The following C1R variants were observed in gnomAD, a reference collection of about 807,000 sequenced individuals.
The protein encoded by C1R is complement C1r subcomponent.
In C1R, 15 loss-of-function variants were observed where a neutral mutation model predicts 27.6. The ratio of observed to expected loss-of-function variants is 0.54; its 90% CI spans 0.36 to 0.84. The LOEUF (loss-of-function observed/expected upper bound fraction) is 0.84. Ranked by LOEUF, C1R falls within the 40% of genes least tolerant of loss-of-function variation. The pLI, the probability that C1R is intolerant of heterozygous loss-of-function variation, is 0.01. For missense variants in C1R, 544 were observed against 577.9 expected (o/e 0.94, Z 0.60); for synonymous variants, 253 against 228.8 (o/e 1.11, Z -0.95).
chr12:7,082,179 T>A (rs1938076406), intron 9 of C1R, 73 bp from the exon 10 acceptor site: 1 of 833,046 alleles, frequency 1.2e-6, no homozygotes, highest in African/African-American at 1.7e-5. Flanking sequence ...GGCCAGCAAG[T>A]ACTGAGTGTG....
intron 8 of C1R, 80 bp from the exon 9 acceptor site, chr12:7,086,096 C>G: frequency 1.5e-5 from 6 of 398,470 alleles, no homozygotes; most frequent in East Asian, 3.6e-5. Flanking sequence ...AGTTGTCTAC[C>G]TGCAGAGCAG....
In C1R at chr12:7,091,794, C is replaced by T. The variant is rs1293231531; in HGVS notation, c.3-114G>A. The T allele has an allele frequency of 2.8e-6, 2 of 711,660 alleles. No individual in the cohort carries two copies. The highest frequency in any genetic ancestry group is 2.0e-5 in the Admixed American group (1 of 50,020). 44.1% of individuals were successfully genotyped at this position (711,660 alleles called of 1,614,324 possible). The stretch of plus-strand genomic sequence containing the variant: ...ATACCACTGGGCATTCTCCTCTCTG[C>T]CCACCCTGAACCTCACAGACATGTT... On this transcript the variant is annotated intron_variant, in intron 1 of 10. Coordinates refer to ENST00000647956, the MANE Select transcript of C1R (RefSeq NM_001733.7). This position sits in a 1 kb window ranked among gnomAD's most constrained non-coding sequence, Gnocchi z 5.1.
intron 3 of C1R, 131 bp from the exon 4 acceptor site, chr12:7,089,864 C>T (rs1430961248): frequency 1.4e-6 from 1 of 711,700 alleles, no homozygotes; most frequent in Non-Finnish European, 2.6e-6. Flanking sequence ...CTCCAGGCCT[C>T]TCCAATGCTC....
At position 7,080,472 on chromosome 12, in the gene C1R, T is replaced by G. The variant is rs1487974588; in HGVS notation, c.*60A>C. 5 of 1,509,450 alleles carry G rather than the reference T, an allele frequency of 3.3e-6. No individual in the cohort carries two copies. The highest frequency in any genetic ancestry group is 1.4e-5 in the African/African-American group (1 of 71,244). The allele number at this position is 1,509,450 out of a possible 1,614,324, so 93.5% of individuals were successfully genotyped here. ...TAGTGGTTATCAACAACTGGTCAGT[T>G]GTTTTTTGTTTTTTTTTTTCCACAC... On this transcript the variant is annotated 3_prime_UTR_variant, in exon 11 of 11. Transcript: ENST00000647956. This position sits in a 1 kb window ranked among gnomAD's most constrained non-coding sequence, Gnocchi z 4.9.
chr12:7,080,326 C>T lies in C1R; in HGVS notation c.*206G>A. 2 of 1,308,456 alleles carry T rather than the reference C, an allele frequency of 1.5e-6. No homozygotes were observed. Among genetic ancestry groups the T allele is most frequent in the Non-Finnish European group, 1.9e-6 (2 of 1,032,662 alleles). The allele number at this position is 1,308,456 out of a possible 1,614,324, so 81.1% of individuals were successfully genotyped here. A position where few individuals can be genotyped will look rare whatever the true frequency, so the allele number is the denominator to read the frequency against. Reference sequence around the variant, plus strand: ...TAGAGATTGATAACTATATCCTCTGCAATCCTCAGAAGAAAGAAAGGGGCC... The same window carrying T: ...TAGAGATTGATAACTATATCCTCTGTAATCCTCAGAAGAAAGAAAGGGGCC... On this transcript the variant is annotated 3_prime_UTR_variant, in exon 11 of 11. Transcript: ENST00000647956. The surrounding 1 kb of genome is among the most constrained non-coding windows in gnomAD (Gnocchi z 4.9).
Position 7,091,321 on chromosome 12 carries a change from G to A in C1R, c.231+131C>T, listed in dbSNP as rs557845549. 7.7e-6 allele frequency: 5 copies of A among 652,878 alleles called. No individual in the cohort carries two copies. The highest frequency in any genetic ancestry group is 1.4e-5 in the Non-Finnish European group (5 of 365,992). 40.4% of individuals were successfully genotyped at this position (652,878 alleles called of 1,614,324 possible). A position where few individuals can be genotyped will look rare whatever the true frequency, so the allele number is the denominator to read the frequency against. On this transcript the variant is annotated intron_variant, in intron 2 of 10. Transcript: ENST00000647956. This position sits in a 1 kb window ranked among gnomAD's most constrained non-coding sequence, Gnocchi z 5.1. ...GAGCGCCCATCCAGGGCATCCCCGGGCTCTCAGAGAGGCCGTTGGCCATCA... is the reference window on the plus strand; with the variant it reads ...GAGCGCCCATCCAGGGCATCCCCGGACTCTCAGAGAGGCCGTTGGCCATCA...
chr12:7,081,191 C>G lies in C1R; in HGVS notation c.1459G>C (p.Gly487Arg). 6.2e-7 allele frequency: 1 copy of G among 1,613,710 alleles called. No homozygotes were observed. The highest frequency in any genetic ancestry group is 8.5e-7 in the Non-Finnish European group (1 of 1,179,728). ...CGGTCGCCCAGCAGGGCCCCGCCCCCGCGCCCGTGGATGTTGGTGAACACC... is the reference window on the plus strand; with the variant it reads ...CGGTCGCCCAGCAGGGCCCCGCCCCGGCGCCCGTGGATGTTGGTGAACACC... ...WQVFTNIHGR[G>R]GGALLGDRWI... The change falls in exon 11 of 11, where the codon GGG becomes CGG. Residue 487 changes from glycine to arginine, a missense_variant. Gly to Arg is a moderately radical substitution (Grantham distance 125, BLOSUM62 -2). Around this residue, in one of 2 missense-constraint regions of C1R, gnomAD observed 253 missense variants for 368.9 expected, o/e 0.69. Coordinates refer to ENST00000647956, the MANE Select transcript of C1R (RefSeq NM_001733.7).
chr12:7,085,833 G>A, intron 9 of C1R, 28 bp downstream of exon 9: 1 of 398,550 alleles, frequency 2.5e-6, no homozygotes, highest in South Asian at 1.3e-4. Flanking sequence ...ATGGAAGGGA[G>A]GAAATTTCCA....
chr12:7,091,678 C>A lies in C1R; in HGVS notation c.5G>T (p.Trp2Leu). Residue 2 changes from tryptophan (W) to leucine (L), a missense_variant and splice_region_variant, in exon 2 of 11, where the codon TGG becomes TTG. Physicochemically the swap from Trp to Leu is moderately conservative, Grantham distance 61. Around this residue, in one of 2 missense-constraint regions of C1R, gnomAD observed 291 missense variants for 209.0 expected, o/e 1.39. Coordinates refer to ENST00000647956, the MANE Select transcript of C1R (RefSeq NM_001733.7). The surrounding 1 kb of genome is among the most constrained non-coding windows in gnomAD (Gnocchi z 5.1). ...GGCCGGCACCAGGAGGTACAAGAGC[C>A]ACCTGCCAAAACAAAAGAGAGTATC... M[W>L]LLYLLVPALF... 1.4e-6 allele frequency: 1 copy of A among 732,774 alleles called. No homozygotes were observed. The highest frequency in any genetic ancestry group is 2.5e-6 in the Non-Finnish European group (1 of 392,994). The allele number at this position is 732,774 out of a possible 1,614,324, so 45.4% of individuals were successfully genotyped here. A position where few individuals can be genotyped will look rare whatever the true frequency, so the allele number is the denominator to read the frequency against.
rs1209299322 is a variant in C1R, at chr12:7,082,047, G to A, written c.1333C>T (p.Pro445Ser). The A allele has an allele frequency of 2.0e-6, 3 of 1,537,012 alleles. No homozygotes were observed. The change falls in exon 10 of 11, where the codon CCT becomes TCT. Residue 445 changes from proline (P) to serine (S), a missense_variant. This residue lies in a region of C1R where 253 missense variants were observed against 368.9 expected (regional missense o/e 0.69). Transcript: ENST00000647956. Reference protein sequence around the residue: ...WKNEQKGEKIPRCLPVCGKPV... With the variant: ...WKNEQKGEKISRCLPVCGKPV... Reference sequence around the variant, plus strand: ...TTCCACTCACCTGGCAAGCACCGAGGAATCTTCTCTCCCTTCTGTTCATTC... The same window carrying A: ...TTCCACTCACCTGGCAAGCACCGAGAAATCTTCTCTCCCTTCTGTTCATTC...
intron 9 of C1R, among the ~76,000 whole-genome samples, chr12:7,085,630 A>T (rs1393262809): frequency 1.3e-5 from 2 of 151,904 alleles, no homozygotes; most frequent in Non-Finnish European, 2.9e-5. Context: ...AGTGGGGATG[A>T]TGTGGTGACA....
At chr12:7,089,510 G>A (rs750747014) in intron 4 of C1R, 21 bp from the exon 5 acceptor site, 3 of 778,718 alleles carry the variant, frequency 3.9e-6, no homozygotes, top group Non-Finnish European at 7.2e-6. Context: ...AGAGCCACAG[G>A]GCATTACGGG....
At chr12:7,092,246 G>A (rs1938293895) in intron 1 of C1R, 141 bp downstream of exon 1, 3 of 724,262 alleles carry the variant, frequency 4.1e-6, no homozygotes, top group Middle Eastern at 2.3e-4. Context: ...CGTGTGTTGT[G>A]TGTGTCCACG....
chr12:7,092,046 C>G (rs1459712872), intron 1 of C1R: 1 of 566,042 alleles, frequency 1.8e-6, no homozygotes, highest in Non-Finnish European at 3.2e-6. Flanking sequence ...GAAAGGGCTC[C>G]CACAGGTTCA....
rs767341899 is a variant in C1R, at chr12:7,088,842, C to T, written c.913G>A (p.Glu305Lys). 1.0e-5 allele frequency: 8 copies of T among 771,318 alleles called. No individual in the cohort carries two copies. Among genetic ancestry groups the T allele is most frequent in the East Asian group, 4.9e-5 (2 of 41,144 alleles). The allele number at this position is 771,318 out of a possible 1,614,324, so 47.8% of individuals were successfully genotyped here. A position where few individuals can be genotyped will look rare whatever the true frequency, so the allele number is the denominator to read the frequency against. ...SRGWKLRYTT[E>K]IIKCPQPKTL... is the part of the protein sequence containing the mutation. ...GGAGGCCTGCAGGGAGCCTTACTCT[C>T]GGTGGTGTAGCGCAGCTTCCAGCCC... Residue 305 changes from glutamate (E) to lysine (K), a missense_variant, in exon 6 of 11, where the codon GAG becomes AAG. By Grantham distance (56) the Glu-to-Lys change is moderately conservative (BLOSUM62 1). Around this residue, in one of 2 missense-constraint regions of C1R, gnomAD observed 291 missense variants for 209.0 expected, o/e 1.39. Transcript: ENST00000647956.
intron 3 of C1R, 54 bp downstream of exon 3, chr12:7,090,002 C>A (rs1260831567): frequency 4.2e-6 from 3 of 716,296 alleles, no homozygotes; most frequent in Admixed American, 4.0e-5. Context: ...TTTCTTGGCC[C>A]CCCATTCAAT....
At position 7,086,389 on chromosome 12, in the gene C1R, G is replaced by A. The variant is rs1938156078; in HGVS notation, c.1107C>T (p.Pro369=). 3 of 398,696 alleles carry A rather than the reference G, an allele frequency of 7.5e-6. No homozygotes were observed. The highest frequency in any genetic ancestry group is 8.8e-5 in the Admixed American group (2 of 22,744). 24.7% of individuals were successfully genotyped at this position (398,696 alleles called of 1,614,324 possible). A position where few individuals can be genotyped will look rare whatever the true frequency, so the allele number is the denominator to read the frequency against. ...TGAATTGTGACTTACTCTTGCATCTGGGCATGGCACGATGCCACGTGCCAT... is the reference window on the plus strand; with the variant it reads ...TGAATTGTGACTTACTCTTGCATCTAGGCATGGCACGATGCCACGTGCCAT... The part of the protein sequence containing the change: ...QDDGTWHRAM[P]RCKIKDCGQP... The change falls in exon 8 of 11, where the codon CCC becomes CCT. Residue 369 remains proline, a synonymous_variant. Coordinates refer to ENST00000647956, the MANE Select transcript of C1R (RefSeq NM_001733.7).
intron 2 of C1R, 95 bp from the exon 3 acceptor site, chr12:7,090,343 C>T: frequency 1.6e-6 from 1 of 643,114 alleles, no homozygotes. Flanking sequence ...GCCCAGAGTG[C>T]ATCATGCACC....
intron 2 of C1R, among the ~76,000 whole-genome samples, chr12:7,090,832 C>T (rs973724473): frequency 3.3e-5 from 5 of 152,154 alleles, no homozygotes; most frequent in Non-Finnish European, 5.9e-5. Context: ...ACTGCACACT[C>T]GCCAAGTCTT....
Sources: allele counts gnomAD v4.1 joint callset (sites outside exome capture counted in the v4.1 genomes callset), GRCh38; gene constraint gnomAD v4.1.1; regional missense constraint gnomAD v4.1.1; non-coding constraint Gnocchi (gnomAD v3.1); transcripts MANE v1.5; gene names NCBI Gene and HGNC (gene_info 2026-07-23, HGNC 2026-07-21).